Variants in SLC8A1 observed in about 807,000 individuals in gnomAD.
SLC8A1 encodes solute carrier family 8 member A1.
In SLC8A1, 18 loss-of-function variants were observed where a neutral mutation model predicts 68.3. The observed-to-expected ratio is 0.26, with a 90% CI of 0.18 to 0.39. The LOEUF (loss-of-function observed/expected upper bound fraction) is 0.39, where lower values mean the gene tolerates loss of function less well. Ranked by LOEUF, SLC8A1 falls within the 10% of genes least tolerant of loss-of-function variation. The pLI, the probability that SLC8A1 is intolerant of heterozygous loss-of-function variation, is 1.00. For missense variants in SLC8A1, 985 were observed against 1,156.7 expected (o/e 0.85, Z 2.15); for synonymous variants, 475 against 415.5 (o/e 1.14, Z -1.74).
intron 2 of SLC8A1, among the ~76,000 whole-genome samples, chr2:40,302,715 C>G (rs192550148): frequency 1.3e-3 from 202 of 152,048 alleles, no homozygotes; most frequent in African/African-American, 4.4e-3. Context: ...GTGCAAGTAT[C>G]TTTTTTCTGT....
chr2:40,407,968 T>C (rs571099635), intron 2 of SLC8A1, among the ~76,000 whole-genome samples: 8 of 152,282 alleles, frequency 5.3e-5, no homozygotes, highest in African/African-American at 1.9e-4. Context: ...CACTCACAAA[T>C]GCAGGGACAC....
intron 2 of SLC8A1, among the ~76,000 whole-genome samples, chr2:40,279,472 G>C (rs1366275351): frequency 3.3e-5 from 5 of 152,254 alleles, no homozygotes; most frequent in African/African-American, 4.8e-5. Flanking sequence ...GAAGTGATTA[G>C]AATAATATCA....
At chr2:40,457,118 T>C (rs1312208031) in intron 1 of SLC8A1, among the ~76,000 whole-genome samples, 1 of 152,200 alleles carries the variant, frequency 6.6e-6, no homozygotes, top group Non-Finnish European at 1.5e-5. Context: ...CAAATCCTGC[T>C]ACAACTAAAA....
chr2:40,329,412 A>T (rs1271740015), intron 2 of SLC8A1, among the ~76,000 whole-genome samples: 1 of 152,150 alleles, frequency 6.6e-6, no homozygotes, highest in African/African-American at 2.4e-5. Flanking sequence ...GTGTGTTTAA[A>T]TTTTTTAATC....
At chr2:40,309,350 C>T (rs1177830204) in intron 2 of SLC8A1, among the ~76,000 whole-genome samples, 4 of 150,992 alleles carry the variant, frequency 2.6e-5, no homozygotes, top group Admixed American at 1.3e-4. Context: ...GGAAAGAGTG[C>T]TTCAGGCTTT....
intron 2 of SLC8A1, among the ~76,000 whole-genome samples, chr2:40,294,426 AGTGG>A (rs2069935568): frequency 1.3e-5 from 2 of 152,188 alleles, no homozygotes; most frequent in African/African-American, 4.8e-5. Flanking sequence ...AGAGGTATTT[AGTGG>A]CTAAGCTAGG....
intron 2 of SLC8A1, among the ~76,000 whole-genome samples, chr2:40,264,309 A>G (rs1264173320): frequency 1.3e-5 from 2 of 152,124 alleles, no homozygotes; most frequent in Admixed American, 6.5e-5. Context: ...TCAGGGATCT[A>G]GAACTAGAAA....
intron 2 of SLC8A1, among the ~76,000 whole-genome samples, chr2:40,401,411 T>G (rs183669532): frequency 6.7e-6 from 1 of 149,188 alleles, no homozygotes; most frequent in Non-Finnish European, 1.5e-5. Flanking sequence ...ATGTTACCTG[T>G]TTTTCTTCTA....
At chr2:40,311,152 C>G (rs2073594021) in intron 2 of SLC8A1, among the ~76,000 whole-genome samples, 1 of 151,902 alleles carries the variant, frequency 6.6e-6, no homozygotes, top group Non-Finnish European at 1.5e-5. Flanking sequence ...AATGAGGTCC[C>G]CAACACGTCA....
chr2:40,242,426 G>A (rs1475207440), intron 2 of SLC8A1, among the ~76,000 whole-genome samples: 1 of 152,156 alleles, frequency 6.6e-6, no homozygotes, highest in Non-Finnish European at 1.5e-5. Flanking sequence ...TGGATTGCCT[G>A]CCATGCTGCC....
At chr2:40,201,054 A>G (rs1446195648) in intron 2 of SLC8A1, among the ~76,000 whole-genome samples, 1 of 151,882 alleles carries the variant, frequency 6.6e-6, no homozygotes, top group African/African-American at 2.4e-5. Context: ...GGCGAGAATT[A>G]TAATGCCAAA....
chr2:40,265,175 C>T (rs368161), intron 2 of SLC8A1, among the ~76,000 whole-genome samples: 3 of 151,920 alleles, frequency 2.0e-5, no homozygotes, highest in South Asian at 2.1e-4. Flanking sequence ...GTAGAGTAGA[C>T]GATGGGCATG....
intron 2 of SLC8A1, among the ~76,000 whole-genome samples, chr2:40,202,108 A>T (rs1000653156): frequency 1.3e-5 from 2 of 152,004 alleles, no homozygotes; most frequent in Admixed American, 1.3e-4. Flanking sequence ...CAAAGATTAG[A>T]TCAGCACCAT....
chr2:40,275,726 A>G (rs1379126878), intron 2 of SLC8A1, among the ~76,000 whole-genome samples: 1 of 152,230 alleles, frequency 6.6e-6, no homozygotes, highest in African/African-American at 2.4e-5. Context: ...TGAACATCAC[A>G]TGGGATAATT....
chr2:40,180,948 T>C (rs2049411597), intron 2 of SLC8A1, among the ~76,000 whole-genome samples: 1 of 122,238 alleles, frequency 8.2e-6, no homozygotes, highest in South Asian at 2.5e-4. Context: ...AATCTTTTAA[T>C]AGCTTTATTT....
chr2:40,411,025 G>C (rs1281972377), intron 2 of SLC8A1, among the ~76,000 whole-genome samples: 20 of 151,968 alleles, frequency 1.3e-4, no homozygotes, highest in Admixed American at 1.2e-3. Flanking sequence ...AAATAATTAA[G>C]TTTTTTTAGA....
chr2:40,436,421 G>C (rs1699430677), intron 1 of SLC8A1, among the ~76,000 whole-genome samples: 1 of 152,122 alleles, frequency 6.6e-6, no homozygotes, highest in Non-Finnish European at 1.5e-5. Context: ...GTCAATGTCA[G>C]TGTTAGGAAG....
chr2:40,229,921 A>C (rs2059443656), intron 2 of SLC8A1, among the ~76,000 whole-genome samples: 1 of 152,182 alleles, frequency 6.6e-6, no homozygotes, highest in African/African-American at 2.4e-5. Flanking sequence ...AAATAAGTTC[A>C]TATCTTTTTT....
At chr2:40,481,073 CAA>C (rs1704597108) in intron 1 of SLC8A1, among the ~76,000 whole-genome samples, 1 of 152,106 alleles carries the variant, frequency 6.6e-6, no homozygotes, top group Non-Finnish European at 1.5e-5. Context: ...GCATCAGTCG[CAA>C]AGTCATTTTA....
Sources: gnomAD v4.1 joint callset for allele counts (sites outside exome capture counted in the v4.1 genomes callset) on GRCh38, gnomAD v4.1.1 for gene constraint, MANE v1.5 for transcripts, NCBI Gene and HGNC (gene_info 2026-07-23, HGNC 2026-07-21) for gene names.